Variants in PPM1L observed in about 807,000 individuals in gnomAD.
The protein encoded by PPM1L is protein phosphatase, Mg2+/Mn2+ dependent 1L, also known as protein phosphatase 1L.
In PPM1L, 13 loss-of-function variants were observed where a neutral mutation model predicts 31.4. That is an observed-to-expected ratio of 0.41 (90% CI 0.27 to 0.66). The LOEUF is 0.66. PPM1L is among the 30% of genes least tolerant of loss of function. PPM1L has a pLI of 0.29. For missense variants in PPM1L, 326 were observed against 453.7 expected, an observed-to-expected ratio of 0.72 and a Z score of 2.56; for synonymous variants, 184 against 175.4, an observed-to-expected ratio of 1.05 and a Z score of -0.39.
chr3:161,057,614 T>C (rs1008346695), intron 2 of PPM1L, among the ~76,000 whole-genome samples: 3 of 152,050 alleles, frequency 2.0e-5, no homozygotes, highest in Admixed American at 6.6e-5. Context: ...AAAAGAAAAG[T>C]TGCTAACGTT....
At chr3:160,954,918 TC>T (rs1559901852) in intron 1 of PPM1L, among the ~76,000 whole-genome samples, 37 of 117,128 alleles carry the variant, frequency 3.2e-4, no homozygotes, top group South Asian at 1.3e-3. Flanking sequence ...CTTCCTTCCT[TC>T]CTTCTTTCCT....
intron 1 of PPM1L, among the ~76,000 whole-genome samples, chr3:160,874,387 G>C (rs1241447354): frequency 1.3e-5 from 2 of 152,104 alleles, no homozygotes; most frequent in Non-Finnish European, 2.9e-5. Flanking sequence ...CTTGATTCTA[G>C]CTCACTTCCA....
intron 2 of PPM1L, among the ~76,000 whole-genome samples, chr3:161,049,857 A>C (rs189915114): frequency 1.3e-5 from 2 of 152,148 alleles, no homozygotes; most frequent in East Asian, 3.9e-4. Context: ...TGTGACACCT[A>C]CTCAGTAATT....
intron 2 of PPM1L, among the ~76,000 whole-genome samples, chr3:161,041,455 G>A (rs1231074930): frequency 6.6e-6 from 1 of 152,052 alleles, no homozygotes; most frequent in Non-Finnish European, 1.5e-5. Context: ...ATTTTACAGA[G>A]TTTGACTCTT....
At chr3:160,956,935 G>C (rs1053104763) in intron 1 of PPM1L, among the ~76,000 whole-genome samples, 2 of 152,236 alleles carry the variant, frequency 1.3e-5, no homozygotes, top group Non-Finnish European at 2.9e-5. Flanking sequence ...CATTGAACCA[G>C]ATGTGGGGGA....
chr3:160,878,688 T>C (rs186372141), intron 1 of PPM1L, among the ~76,000 whole-genome samples: 1 of 152,332 alleles, frequency 6.6e-6, no homozygotes, highest in African/African-American at 2.4e-5. Flanking sequence ...CCTTTCAGAT[T>C]GGCTTGAAGA....
intron 1 of PPM1L, among the ~76,000 whole-genome samples, chr3:160,876,371 G>A (rs562250005): frequency 6.6e-6 from 1 of 152,322 alleles, no homozygotes; most frequent in East Asian, 1.9e-4. Flanking sequence ...ATGGCAAACT[G>A]TGCTGCTGTA....
intron 1 of PPM1L, among the ~76,000 whole-genome samples, chr3:160,931,830 G>A (rs899213648): frequency 5.9e-5 from 9 of 152,122 alleles, no homozygotes; most frequent in Non-Finnish European, 1.3e-4. Flanking sequence ...CTTTTCTTAA[G>A]TAGAGCTAAG....
intron 1 of PPM1L, among the ~76,000 whole-genome samples, chr3:160,941,102 T>C (rs1322099372): frequency 2.0e-5 from 3 of 152,220 alleles, no homozygotes; most frequent in Non-Finnish European, 4.4e-5. Context: ...ATGGACTCTG[T>C]AACCCCTTTG....
intron 1 of PPM1L, among the ~76,000 whole-genome samples, chr3:160,872,201 A>T (rs1712332842): frequency 6.6e-6 from 1 of 152,242 alleles, no homozygotes; most frequent in African/African-American, 2.4e-5. Context: ...GAGAAGAATT[A>T]TCTAAATTTT....
At chr3:160,944,783 T>TAACATA (rs538803998) in intron 1 of PPM1L, among the ~76,000 whole-genome samples, 1 of 52,576 alleles carries the variant, frequency 1.9e-5, no homozygotes, top group African/African-American at 5.6e-5. Flanking sequence ...ATATATTATA[T>TAACATA]TATATATGTT....
In PPM1L at chr3:161,071,314, A is replaced by C. The variant is rs1559944928; in HGVS notation, c.*2157A>C. The C allele has an allele frequency of 6.6e-6, 1 of 152,240 alleles. No individual in the cohort carries two copies. The highest frequency in any genetic ancestry group is 1.5e-5 in the Non-Finnish European group (1 of 68,042). 9.4% of individuals were successfully genotyped at this position (152,240 alleles called of 1,614,324 possible). ...TTAACGTAGCACAAAAATGTATAAT[A>C]GCAAGGAAAAGACATTTTTAAATTC... On this transcript the variant is annotated 3_prime_UTR_variant, in exon 4 of 4. Coordinates refer to ENST00000498165, the MANE Select transcript of PPM1L (RefSeq NM_139245.4).
intron 1 of PPM1L, among the ~76,000 whole-genome samples, chr3:160,874,424 G>T (rs1358335438): frequency 6.6e-6 from 1 of 152,128 alleles, no homozygotes; most frequent in Non-Finnish European, 1.5e-5. Flanking sequence ...TTTCCTTCAA[G>T]ATATTTCTGT....
rs369690055 is a variant in PPM1L, at chr3:160,782,381, TACTC to T, written c.399+25677_399+25680del. Among the ~76,000 whole-genome samples, 415 of 152,342 alleles carry T rather than the reference TACTC, an allele frequency of 2.7e-3. 1 individual carries two copies. Among genetic ancestry groups the T allele is most frequent in the African/African-American group, 9.6e-3 (400 of 41,564 alleles). On this transcript the variant is annotated intron_variant, in intron 1 of 3. Transcript: ENST00000498165. ...TATAGGACATAAAATGACAGTGTGT[TACTC>T]ACAATCACTTGTGAAAGTTTCAGTG...
rs1439659884 is a variant in PPM1L at position 160,920,648 on chromosome 3, CACACACACACACACACACAT to C, written c.400-41086_400-41067del. On this transcript the variant is annotated intron_variant, in intron 1 of 3. Transcript: ENST00000498165. ...ACACACACACACACACTCACACACA[CACACACACACACACACACAT>C]ATTAAAGATCTGAGAGTATTTGTTT... Among the ~76,000 whole-genome samples, 22 of 151,066 alleles carry C rather than the reference CACACACACACACACACACAT, an allele frequency of 1.5e-4. 1 individual carries two copies. The South Asian group carries it at 2.1e-3, about 14-fold the overall frequency.
Position 161,077,372 on chromosome 3 carries a change from A to C in PPM1L, c.*8215A>C, listed in dbSNP as rs1343731817. 2 of 152,294 alleles carry C rather than the reference A, an allele frequency of 1.3e-5. No individual in the cohort carries two copies. Among genetic ancestry groups the C allele is most frequent in the African/African-American group, 2.4e-5 (1 of 41,444 alleles). The allele number at this position is 152,294 out of a possible 1,614,324, so 9.4% of individuals were successfully genotyped here. ...AAGGATAGGGGGGTGGGACTGTCCC[A>C]GTGGAGGGTGCCACTGGAAGCCTCC... On this transcript the variant is annotated 3_prime_UTR_variant, in exon 4 of 4. Coordinates refer to ENST00000498165, the MANE Select transcript of PPM1L (RefSeq NM_139245.4).
At position 161,032,480 on chromosome 3, in the gene PPM1L, T is replaced by A. The variant is rs377718420; in HGVS notation, c.575-32923T>A. Among the ~76,000 whole-genome samples, 19 of 152,294 alleles carry A rather than the reference T, an allele frequency of 1.2e-4. No individual in the cohort carries two copies. The East Asian group carries it at 2.3e-3, about 19-fold the overall frequency. On this transcript the variant is annotated intron_variant, in intron 2 of 3. Transcript: ENST00000498165. ...TTCCTGAAATCCCACCATTGAGGAT[T>A]CCTGCCCTTGTGTTAGTAGATCAAT...
At chr3:161,051,722 C>T (rs1275242243) in intron 2 of PPM1L, among the ~76,000 whole-genome samples, 1 of 152,106 alleles carries the variant, frequency 6.6e-6, no homozygotes, top group African/African-American at 2.4e-5. Flanking sequence ...CCTACATGTA[C>T]ATGATAGCAT....
At chr3:160,826,784 CATT>C (rs1461049101) in intron 1 of PPM1L, among the ~76,000 whole-genome samples, 10 of 152,052 alleles carry the variant, frequency 6.6e-5, no homozygotes, top group Non-Finnish European at 1.5e-4. Flanking sequence ...TGAAAAACAG[CATT>C]GCAAAATTTG....
Sources: gnomAD v4.1 joint callset for allele counts (sites outside exome capture counted in the v4.1 genomes callset) on GRCh38, gnomAD v4.1.1 for gene constraint, MANE v1.5 for transcripts, NCBI Gene and HGNC (gene_info 2026-07-23, HGNC 2026-07-21) for gene names.